Variants in TANC2 observed in about 807,000 individuals in gnomAD.
The protein encoded by TANC2 is tetratricopeptide repeat, ankyrin repeat and coiled-coil containing 2.
In TANC2, 26 loss-of-function variants were observed where a neutral mutation model predicts 210.5. The ratio of observed to expected loss-of-function variants is 0.12; its 90% CI spans 0.09 to 0.17. The LOEUF (loss-of-function observed/expected upper bound fraction) is 0.17, where lower values mean the gene tolerates loss of function less well. Ranked by LOEUF, TANC2 falls within the 10% of genes least tolerant of loss-of-function variation. TANC2 has a pLI of 1.00. For missense variants in TANC2, 2,129 were observed against 2,608.9 expected, an observed-to-expected ratio of 0.82 and a Z score of 4.01; for synonymous variants, 931 against 967.1, an observed-to-expected ratio of 0.96 and a Z score of 0.69.
At chr17:63,131,218 G>A (rs2038905554) in intron 4 of TANC2, among the ~76,000 whole-genome samples, 1 of 152,182 alleles carries the variant, frequency 6.6e-6, no homozygotes, top group Non-Finnish European at 1.5e-5. Context: ...TAAGTTCACA[G>A]CACAGTTTCA....
intron 5 of TANC2, chr17:63,152,666 T>C (rs1171505024): frequency 6.6e-6 from 1 of 152,170 alleles, no homozygotes; most frequent in African/African-American, 2.4e-5. Context: ...ATATTGTACT[T>C]TGCATTTCTT....
chr17:63,004,507 C>T (rs910626199), intron 1 of TANC2, among the ~76,000 whole-genome samples: 2 of 151,390 alleles, frequency 1.3e-5, no homozygotes, highest in Non-Finnish European at 2.9e-5. Flanking sequence ...TACATCAATC[C>T]AGCTTTGGAT....
chr17:63,110,052 A>G (rs1349849858), intron 4 of TANC2, among the ~76,000 whole-genome samples: 2 of 151,762 alleles, frequency 1.3e-5, no homozygotes, highest in African/African-American at 4.9e-5. Context: ...TAACCATATG[A>G]AAATGGGCAT....
chr17:63,240,895 T>C (rs1431297786), intron 8 of TANC2, among the ~76,000 whole-genome samples: 1 of 152,192 alleles, frequency 6.6e-6, no homozygotes, highest in Non-Finnish European at 1.5e-5. Flanking sequence ...ACAGTCTACT[T>C]TGTGTTATGT....
At chr17:63,365,902 T>G (rs559030818) in intron 14 of TANC2, among the ~76,000 whole-genome samples, 26 of 152,050 alleles carry the variant, frequency 1.7e-4, no homozygotes, top group Non-Finnish European at 2.8e-4. Context: ...TTTCTAACAC[T>G]TATCACAATT....
chr17:63,287,132 T>C (rs970380681), intron 9 of TANC2, among the ~76,000 whole-genome samples: 1 of 152,036 alleles, frequency 6.6e-6, no homozygotes, highest in Non-Finnish European at 1.5e-5. Flanking sequence ...AGGGTTTTGC[T>C]ATGTTGGCCA....
chr17:63,175,525 T>TC lies in TANC2; in HGVS notation c.434-18461dup, dbSNP rs138180567. 2.1e-3 allele frequency among the ~76,000 whole-genome samples: 79 copies of TC among 38,172 alleles called. 2 individuals are homozygous for TC. The highest frequency in any genetic ancestry group is 0.033 in the Middle Eastern group (2 of 60). The allele number at this position is 38,172 out of a possible 152,430, so 25.0% of individuals were successfully genotyped here. On this transcript the variant is annotated intron_variant, in intron 5 of 27. Coordinates refer to ENST00000689528, the Ensembl canonical transcript of TANC2. ...CTGGGCGACGGAGTGAGACCCTGTC[T>TC]CCCCCGCCAAAAAAAAAAAAAAAAA...
At chr17:63,210,378 G>A (rs1285933964) in intron 7 of TANC2, among the ~76,000 whole-genome samples, 1 of 152,122 alleles carries the variant, frequency 6.6e-6, no homozygotes, top group Non-Finnish European at 1.5e-5. Context: ...CTTTCTTCAT[G>A]AAGCAGACTC....
intron 14 of TANC2, among the ~76,000 whole-genome samples, chr17:63,367,952 A>G (rs1298510696): frequency 6.6e-6 from 1 of 152,170 alleles, no homozygotes; most frequent in East Asian, 1.9e-4. Context: ...CTGACAAGTG[A>G]TGTATGGAAG....
chr17:63,007,376 A>G (rs1369281100), intron 1 of TANC2, among the ~76,000 whole-genome samples: 2 of 152,072 alleles, frequency 1.3e-5, no homozygotes, highest in African/African-American at 4.8e-5. Flanking sequence ...TTGGTGTTTG[A>G]ATGGTATATC....
chr17:63,362,434 G>T (rs964936441), intron 14 of TANC2, among the ~76,000 whole-genome samples: 1 of 152,168 alleles, frequency 6.6e-6, no homozygotes, highest in Non-Finnish European at 1.5e-5. Context: ...CTTCACTGGG[G>T]ACCCACTCCT....
chr17:63,330,444 T>A lies in TANC2; in HGVS notation c.1576-9657T>A, dbSNP rs191589472. On this transcript the variant is annotated intron_variant, in intron 11 of 27. Transcript: ENST00000689528. ...TTACATATTTTCTGAGACTTTATTT[T>A]AAAAAAAAAATTTATTCAGGATCAT... 1.4e-3 allele frequency among the ~76,000 whole-genome samples: 210 copies of A among 150,988 alleles called. 1 individual carries two copies. Among genetic ancestry groups the A allele is most frequent in the East Asian group, 0.013 (65 of 5,156 alleles).
chr17:63,232,099 G>C (rs1231429025), intron 7 of TANC2, among the ~76,000 whole-genome samples: 1 of 152,134 alleles, frequency 6.6e-6, no homozygotes, highest in African/African-American at 2.4e-5. Flanking sequence ...GTGCTTTTCA[G>C]CTCTATCAGG....
intron 1 of TANC2, among the ~76,000 whole-genome samples, chr17:63,001,386 T>G (rs974628989): frequency 6.6e-6 from 1 of 152,192 alleles, no homozygotes; most frequent in African/African-American, 2.4e-5. Context: ...TGCCCCTTCT[T>G]TACTAAGTCA....
intron 5 of TANC2, among the ~76,000 whole-genome samples, chr17:63,157,673 A>G (rs899743600): frequency 6.6e-6 from 1 of 152,330 alleles, no homozygotes; most frequent in African/African-American, 2.4e-5. Flanking sequence ...GGTTGTAAAG[A>G]TACGACATAT....
chr17:63,352,450 T>A (rs2046641269), intron 13 of TANC2, among the ~76,000 whole-genome samples: 2 of 152,130 alleles, frequency 1.3e-5, no homozygotes, highest in African/African-American at 4.8e-5. Flanking sequence ...TATGGATAAA[T>A]CAATATAAAT....
At chr17:63,008,348 T>C (rs1183881184) in intron 1 of TANC2, among the ~76,000 whole-genome samples, 2 of 152,210 alleles carry the variant, frequency 1.3e-5, no homozygotes, top group East Asian at 3.8e-4. Context: ...CATATGCATC[T>C]AGTACTCTTT....
intron 17 of TANC2, among the ~76,000 whole-genome samples, chr17:63,394,176 C>G (rs1020068321): frequency 1.3e-5 from 2 of 152,132 alleles, no homozygotes; most frequent in African/African-American, 4.8e-5. Flanking sequence ...AAAGCGATCC[C>G]TTCTCCCCCA....
At chr17:63,013,712 A>G (rs1426710196) in intron 2 of TANC2, among the ~76,000 whole-genome samples, 2 of 150,158 alleles carry the variant, frequency 1.3e-5, no homozygotes, top group African/African-American at 4.9e-5. Context: ...CAATAAGCCA[A>G]GATTACACCA....
Sources: gnomAD v4.1 joint callset for allele counts (sites outside exome capture counted in the v4.1 genomes callset) on GRCh38, gnomAD v4.1.1 for gene constraint, MANE v1.5 for transcripts, NCBI Gene and HGNC (gene_info 2026-07-23, HGNC 2026-07-21) for gene names.